SYN3: variants seen among roughly 807,000 people sequenced by gnomAD.
The protein encoded by SYN3 is synapsin III.
In SYN3, 35 loss-of-function variants were observed where a neutral mutation model predicts 65.8. That is an observed-to-expected ratio of 0.53 (90% confidence interval 0.41 to 0.70). The LOEUF (loss-of-function observed/expected upper bound fraction) is 0.70, where lower values mean the gene tolerates loss of function less well. SYN3 is among the 30% of genes least tolerant of loss of function. The probability of loss-of-function intolerance (pLI) is 0.00; values close to 1 mark genes in which losing one functional copy is unlikely to be tolerated. For missense variants in SYN3, 680 were observed against 749.0 expected (o/e 0.91, Z 1.08); for synonymous variants, 270 against 292.9 (o/e 0.92, Z 0.80).
At chr22:32,971,892 G>C (rs570620490) in intron 3 of SYN3, among the ~76,000 whole-genome samples, 2 of 152,168 alleles carry the variant, frequency 1.3e-5, no homozygotes, top group African/African-American at 4.8e-5. Context: ...CCACACAGCC[G>C]TCTCAGCAGA....
chr22:32,515,918 C>T (rs1391392244), intron 13 of SYN3, among the ~76,000 whole-genome samples: 2 of 152,098 alleles, frequency 1.3e-5, no homozygotes, highest in African/African-American at 4.8e-5. Context: ...CCTGCCTCAG[C>T]CTCCCTAGCA....
chr22:32,601,586 A>G (rs1431424258), intron 6 of SYN3, among the ~76,000 whole-genome samples: 6 of 149,196 alleles, frequency 4.0e-5, no homozygotes, highest in Non-Finnish European at 9.0e-5. Flanking sequence ...CTCCTTTGCC[A>G]TTTTTTACTT....
chr22:32,533,584 C>T (rs984669993), intron 10 of SYN3, among the ~76,000 whole-genome samples: 4 of 152,128 alleles, frequency 2.6e-5, no homozygotes, highest in Admixed American at 1.3e-4. Flanking sequence ...TGAGGTCTCC[C>T]GACTCAGTTC....
intron 3 of SYN3, among the ~76,000 whole-genome samples, chr22:32,944,860 A>G (rs1029120823): frequency 6.6e-6 from 1 of 152,256 alleles, no homozygotes; most frequent in Non-Finnish European, 1.5e-5. Context: ...ATACAAAATC[A>G]ATATGCAAAA....
At chr22:32,531,728 G>C (rs541805748) in intron 10 of SYN3, among the ~76,000 whole-genome samples, 2 of 149,320 alleles carry the variant, frequency 1.3e-5, no homozygotes, top group East Asian at 3.9e-4. Context: ...TTATATTTCT[G>C]GTAACAAGCT....
chr22:32,563,089 T>G (rs919681022), intron 7 of SYN3, among the ~76,000 whole-genome samples: 1 of 152,266 alleles, frequency 6.6e-6, no homozygotes, highest in Admixed American at 6.5e-5. Context: ...CTTTCAGTTC[T>G]GACTCACCGA....
intron 6 of SYN3, among the ~76,000 whole-genome samples, chr22:32,701,928 A>G (rs1447202458): frequency 6.6e-6 from 1 of 152,232 alleles, no homozygotes; most frequent in Non-Finnish European, 1.5e-5. Context: ...CTGAAATAAG[A>G]AGAAAAAACA....
intron 6 of SYN3, among the ~76,000 whole-genome samples, chr22:32,864,232 C>T (rs1174998581): frequency 3.3e-5 from 5 of 152,170 alleles, no homozygotes; most frequent in Admixed American, 2.6e-4. Flanking sequence ...TTCCTTTGAC[C>T]AGTTTACGAA....
chr22:32,914,740 C>T (rs959585031), intron 4 of SYN3, among the ~76,000 whole-genome samples: 1 of 152,086 alleles, frequency 6.6e-6, no homozygotes, highest in Non-Finnish European at 1.5e-5. Context: ...CCATGCCTGG[C>T]CCATGTGGAG....
intron 7 of SYN3, among the ~76,000 whole-genome samples, chr22:32,578,196 TTC>T (rs982216169): frequency 6.8e-5 from 10 of 146,992 alleles, no homozygotes; most frequent in Non-Finnish European, 1.5e-4. Flanking sequence ...CTTTCTTTCT[TTC>T]TCTCTCTTTC....
intron 4 of SYN3, among the ~76,000 whole-genome samples, chr22:32,918,553 G>A (rs1047834942): frequency 2.0e-5 from 3 of 152,092 alleles, no homozygotes; most frequent in Admixed American, 1.3e-4. Flanking sequence ...CTCTGTATTA[G>A]CGATCTAGCT....
chr22:32,561,699 G>A (rs2058588717), intron 7 of SYN3, among the ~76,000 whole-genome samples: 1 of 152,168 alleles, frequency 6.6e-6, no homozygotes, highest in Admixed American at 6.5e-5. Context: ...GGAGAAACGG[G>A]GCAAGTGTGG....
Position 32,518,106 on chromosome 22 carries a change from C to T in SYN3, c.1547G>A (p.Gly516Asp), listed in dbSNP as rs574127377. The change falls in exon 13 of 14, where the codon GGC becomes GAC. Residue 516 changes from glycine to aspartate, a missense_variant. Physicochemically the swap from Gly to Asp is moderately conservative, Grantham distance 94. Coordinates refer to ENST00000358763, the MANE Select transcript of SYN3 (RefSeq NM_003490.4). ...LASQPRPPVQ[G>D]RSTSQQGEES... Reference sequence around the variant, plus strand: ...TTCACCCTGCTGGGAGGTACTACGGCCCTGCACAGGGGGCCGGGGCTGTGA... The same window carrying T: ...TTCACCCTGCTGGGAGGTACTACGGTCCTGCACAGGGGGCCGGGGCTGTGA... 6.3e-7 allele frequency: 1 copy of T among 1,584,704 alleles called. No individual in the cohort carries two copies.
chr22:32,887,802 T>C (rs2146455404), intron 4 of SYN3, among the ~76,000 whole-genome samples: 1 of 152,332 alleles, frequency 6.6e-6, no homozygotes, highest in Non-Finnish European at 1.5e-5. Context: ...ATGAATAAAG[T>C]TGCTATGAAG....
At position 32,654,457 on chromosome 22, in the gene SYN3, C is replaced by A. The variant is rs181634342; in HGVS notation, c.712-57721G>T. ...CCTCCAAAGCCTCCTGTGGTCTGGC[C>A]CCAGCCTTATCTTCTGCTGGTCCTT... On this transcript the variant is annotated intron_variant, in intron 6 of 13. Transcript: ENST00000358763. 2.0e-3 allele frequency among the ~76,000 whole-genome samples: 304 copies of A among 152,282 alleles called. 2 individuals are homozygous for A. Among genetic ancestry groups the A allele is most frequent in the Admixed American group, 6.5e-3 (99 of 15,304 alleles).
chr22:32,990,613 T>C (rs73162038), intron 2 of SYN3, among the ~76,000 whole-genome samples: 2 of 152,220 alleles, frequency 1.3e-5, no homozygotes, highest in African/African-American at 4.8e-5. Flanking sequence ...TGGTTTTTAC[T>C]GTCTAGCCAG....
chr22:32,787,143 G>T (rs545120908), intron 6 of SYN3, among the ~76,000 whole-genome samples: 4 of 150,478 alleles, frequency 2.7e-5, no homozygotes, highest in Non-Finnish European at 4.4e-5. Flanking sequence ...CATCTCCTGG[G>T]CTCAAGTGAT....
chr22:33,027,500 G>C (rs1435336561), intron 1 of SYN3, among the ~76,000 whole-genome samples: 1 of 152,046 alleles, frequency 6.6e-6, no homozygotes, highest in African/African-American at 2.4e-5. Context: ...CAGAGGCTGA[G>C]GCATGAGAAT....
intron 7 of SYN3, among the ~76,000 whole-genome samples, chr22:32,578,736 G>C (rs2058892029): frequency 6.6e-6 from 1 of 152,152 alleles, no homozygotes; most frequent in South Asian, 2.1e-4. Flanking sequence ...CAATCAGGTG[G>C]CAAGACAAAA....
Sources: gnomAD v4.1 joint callset for allele counts (sites outside exome capture counted in the v4.1 genomes callset) on GRCh38, gnomAD v4.1.1 for gene constraint, MANE v1.5 for transcripts, NCBI Gene and HGNC (gene_info 2026-07-23, HGNC 2026-07-21) for gene names.